The following TOGARAM1 variants were observed in gnomAD, a reference collection of about 807,000 sequenced individuals.
TOGARAM1 encodes TOG array regulator of axonemal microtubules 1.
A neutral mutation model predicts 166.6 loss-of-function variants in TOGARAM1; 100 were observed. That is an observed-to-expected ratio of 0.60 (90% CI 0.51 to 0.71). The LOEUF is 0.71. Ranked by LOEUF, TOGARAM1 falls within the 30% of genes least tolerant of loss-of-function variation. The probability of loss-of-function intolerance (pLI) is 0.00; values close to 1 mark genes in which losing one functional copy is unlikely to be tolerated. For synonymous variants in TOGARAM1, 758 were observed against 763.8 expected (o/e 0.99, Z 0.13); for missense variants, 2,029 against 2,102.7 (o/e 0.96, Z 0.69).
chr14:45,011,864 C>T (rs1005114168), intron 6 of TOGARAM1, 111 bp from the exon 7 acceptor site: 14 of 674,876 alleles, frequency 2.1e-5, no homozygotes, highest in Non-Finnish European at 3.5e-5. Flanking sequence ...TTATTGCTCC[C>T]TTATTATCTA....
chr14:45,063,410 A>AT (rs1376260893), intron 16 of TOGARAM1, among the ~76,000 whole-genome samples: 2 of 150,982 alleles, frequency 1.3e-5, no homozygotes, highest in East Asian at 1.9e-4. Context: ...AAAGGGTTCA[A>AT]TTTTTTCACA....
At chr14:45,041,520 GTTC>G (rs1343553142) in intron 11 of TOGARAM1, among the ~76,000 whole-genome samples, 5 of 152,330 alleles carry the variant, frequency 3.3e-5, no homozygotes, top group Non-Finnish European at 5.9e-5. Flanking sequence ...ATAAGATGGA[GTTC>G]TTCTCATCTC....
chr14:45,044,792 T>C lies in TOGARAM1; in HGVS notation c.4076T>C (p.Val1359Ala), dbSNP rs2138951660. Residue 1359 changes from valine to alanine, a missense_variant, in exon 13 of 20, where the codon GTT becomes GCT. By Grantham distance (64) the Val-to-Ala change is moderately conservative. Around this residue, in one of 2 missense-constraint regions of TOGARAM1, gnomAD observed 576 missense variants for 670.5 expected, o/e 0.86. Transcript: ENST00000361462. The stretch of plus-strand genomic sequence containing the variant: ...TCAAATACATTTATAAGAGAAGATG[T>C]TGACAAAGCATTGAGAGCTATGGTT... ...GESNTFIRED[V>A]DKALRAMVNN... 1 of 1,614,118 alleles carries C rather than the reference T, an allele frequency of 6.2e-7. No homozygotes were observed. The highest frequency in any genetic ancestry group is 8.5e-7 in the Non-Finnish European group (1 of 1,180,012).
chr14:44,972,686 C>T (rs1885949803), intron 1 of TOGARAM1, among the ~76,000 whole-genome samples: 1 of 152,112 alleles, frequency 6.6e-6, no homozygotes, highest in Non-Finnish European at 1.5e-5. Context: ...TATAGCTACT[C>T]TTGATTTCTT....
intron 1 of TOGARAM1, among the ~76,000 whole-genome samples, chr14:44,976,562 C>T (rs1410454121): frequency 6.6e-6 from 1 of 152,134 alleles, no homozygotes; most frequent in Non-Finnish European, 1.5e-5. Context: ...ACACAGGAGG[C>T]ACTTGAAGAT....
At chr14:45,028,783 G>T (rs765508148) in intron 10 of TOGARAM1, among the ~76,000 whole-genome samples, 2 of 151,990 alleles carry the variant, frequency 1.3e-5, no homozygotes, top group Admixed American at 6.6e-5. Flanking sequence ...TACATGTTAG[G>T]TATAGTAGCA....
Position 44,963,160 on chromosome 14 carries a change from T to A in TOGARAM1, c.739T>A (p.Leu247Met). Residue 247 changes from leucine (L) to methionine (M), a missense_variant, in exon 1 of 20, where the codon TTG (leucine) becomes ATG (methionine). Coordinates refer to ENST00000361462, the MANE Select transcript of TOGARAM1 (RefSeq NM_001308120.2). The part of the protein sequence containing the change: ...LLPILLTTED[L>M]LLGLDLTEVI... ...TCCCATCTTGCTTACTACTGAGGACTTGTTGCTTGGTCTGGATCTCACCGA... is the reference window on the plus strand; with the variant it reads ...TCCCATCTTGCTTACTACTGAGGACATGTTGCTTGGTCTGGATCTCACCGA... 3.1e-6 allele frequency: 5 copies of A among 1,614,216 alleles called. No individual in the cohort carries two copies. Among genetic ancestry groups the A allele is most frequent in the Non-Finnish European group, 4.2e-6 (5 of 1,180,042 alleles).
chr14:45,012,010 G>A lies in TOGARAM1; in HGVS notation c.3173G>A (p.Cys1058Tyr). ...TTTCCAACATTTGGGTCAAAACCTT[G>A]TCCAACAAGACTTTCTTCTGCAAAG... ...DIFPTFGSKP[C>Y]PTRLSSAKKK... Residue 1058 changes from cysteine (C) to tyrosine (Y), a missense_variant, in exon 7 of 20, where the codon TGT becomes TAT. Physicochemically the swap from Cys to Tyr is radical, Grantham distance 194 (BLOSUM62 -2). Coordinates refer to ENST00000361462, the MANE Select transcript of TOGARAM1 (RefSeq NM_001308120.2). 1 of 1,610,680 alleles carries A rather than the reference G, an allele frequency of 6.2e-7. No homozygotes were observed. The highest frequency in any genetic ancestry group is 8.5e-7 in the Non-Finnish European group (1 of 1,178,728).
rs532292559 is a variant in TOGARAM1 at position 44,963,123 on chromosome 14, A to G, written c.702A>G (p.Thr234=). 2 of 1,614,200 alleles carry G rather than the reference A, an allele frequency of 1.2e-6. No individual in the cohort carries two copies. The highest frequency in any genetic ancestry group is 2.2e-5 in the South Asian group (2 of 91,078). Residue 234 remains threonine, a synonymous_variant, in exon 1 of 20, where the codon ACA becomes ACG. Transcript: ENST00000361462. ...ESTDARLRAS[T]ALLLPILLTT... is the part of the protein sequence containing the mutation. ...CCGATGCCCGACTTAGAGCTTCCACAGCACTACTGCTTCCCATCTTGCTTA... is the reference window on the plus strand; with the variant it reads ...CCGATGCCCGACTTAGAGCTTCCACGGCACTACTGCTTCCCATCTTGCTTA...
chr14:45,010,273 T>C (rs899712569), intron 6 of TOGARAM1, among the ~76,000 whole-genome samples: 1 of 152,230 alleles, frequency 6.6e-6, no homozygotes, highest in African/African-American at 2.4e-5. Flanking sequence ...TTTTTTCCTA[T>C]ACATTTTTAG....
chr14:45,045,865 A>G (rs1021805245), intron 13 of TOGARAM1, among the ~76,000 whole-genome samples: 1 of 151,090 alleles, frequency 6.6e-6, no homozygotes, highest in South Asian at 2.1e-4. Context: ...ATACATGTGC[A>G]AGTATCTTTT....
chr14:45,051,715 A>G (rs1297608819), intron 14 of TOGARAM1, among the ~76,000 whole-genome samples: 1 of 151,938 alleles, frequency 6.6e-6, no homozygotes, highest in African/African-American at 2.4e-5. Flanking sequence ...GCACGCCAAC[A>G]CATCTGGCTA....
In TOGARAM1 at chr14:45,012,059, A is replaced by G. The variant is rs1879837544; in HGVS notation, c.3222A>G (p.Glu1074=). 6.2e-7 allele frequency: 1 copy of G among 1,606,694 alleles called. No individual in the cohort carries two copies. Among genetic ancestry groups the G allele is most frequent in the Non-Finnish European group, 8.5e-7 (1 of 1,176,214 alleles). The change falls in exon 7 of 20, where the codon GAA becomes GAG. Residue 1074 remains glutamate (E), a synonymous_variant. Transcript: ENST00000361462. ...AGAAAAAAATTTCTCATATTGCTGA[A>G]CAAAGCCCCAGTGCAGGTATTCTAT... The part of the protein sequence containing the change: ...SAKKKISHIA[E]QSPSAGSSSN...
chr14:44,993,292 C>CAA (rs1287058766), intron 1 of TOGARAM1, among the ~76,000 whole-genome samples: 8 of 109,430 alleles, frequency 7.3e-5, no homozygotes, highest in Non-Finnish European at 1.0e-4. Flanking sequence ...GTCTCAAAAA[C>CAA]AAAAACAAAA....
intron 17 of TOGARAM1, among the ~76,000 whole-genome samples, chr14:45,068,123 T>C (rs577671870): frequency 6.6e-6 from 1 of 152,312 alleles, no homozygotes; most frequent in Non-Finnish European, 1.5e-5. Flanking sequence ...AAGATGTTTA[T>C]CATATTTACA....
chr14:45,032,795 C>T (rs1211239352), intron 11 of TOGARAM1, among the ~76,000 whole-genome samples: 1 of 152,176 alleles, frequency 6.6e-6, no homozygotes, highest in African/African-American at 2.4e-5. Context: ...ATGTGCATCC[C>T]ACGTGTTTCA....
intron 14 of TOGARAM1, among the ~76,000 whole-genome samples, chr14:45,048,218 G>A (rs939336356): frequency 1.3e-5 from 2 of 150,804 alleles, no homozygotes; most frequent in Non-Finnish European, 2.9e-5. Flanking sequence ...CGGGCATGGC[G>A]GCATGCGCCT....
intron 1 of TOGARAM1, chr14:44,978,312 GAAAAA>G: frequency 6.7e-6 from 1 of 149,908 alleles, no homozygotes; most frequent in East Asian, 2.0e-4. Flanking sequence ...TTTGGAAAAA[GAAAAA>G]AAAATGTTTA....
chr14:45,059,658 A>AC (rs1882805861), intron 16 of TOGARAM1, among the ~76,000 whole-genome samples: 5 of 151,176 alleles, frequency 3.3e-5, no homozygotes, highest in Admixed American at 1.3e-4. Flanking sequence ...TCTGTCTCAA[A>AC]AAAAACAAAA....
Sources: gnomAD v4.1 joint callset for allele counts (sites outside exome capture counted in the v4.1 genomes callset) on GRCh38, gnomAD v4.1.1 for gene constraint, gnomAD v4.1.1 regional missense constraint, MANE v1.5 for transcripts, NCBI Gene and HGNC (gene_info 2026-07-23, HGNC 2026-07-21) for gene names.